CPQ: variants seen among roughly 807,000 people sequenced by gnomAD.
CPQ encodes the protein Ser-Met dipeptidase.
Under a neutral mutation model 45.7 loss-of-function variants are expected in CPQ, and 37 were observed. That is an observed-to-expected ratio of 0.81 (90% confidence interval 0.62 to 1.07). CPQ has a LOEUF of 1.07. CPQ is among the 50% of genes least tolerant of loss of function. CPQ has a pLI of 0.00. For missense variants in CPQ, 537 were observed against 572.9 expected, an observed-to-expected ratio of 0.94 and a Z score of 0.64; for synonymous variants, 186 against 205.8, an observed-to-expected ratio of 0.90 and a Z score of 0.82.
At chr8:97,109,140 A>G (rs190945151) in intron 7 of CPQ, among the ~76,000 whole-genome samples, 3 of 151,720 alleles carry the variant, frequency 2.0e-5, no homozygotes, top group Admixed American at 2.0e-4. Context: ...ACCCTTCCCC[A>G]CCCTTCACTG....
At chr8:96,906,234 A>C (rs1586446200) in intron 4 of CPQ, among the ~76,000 whole-genome samples, 1 of 152,178 alleles carries the variant, frequency 6.6e-6, no homozygotes, top group Non-Finnish European at 1.5e-5. Context: ...AAATTATATT[A>C]ACTCCTCTCA....
At chr8:96,903,751 A>G (rs1392589337) in intron 4 of CPQ, among the ~76,000 whole-genome samples, 3 of 152,208 alleles carry the variant, frequency 2.0e-5, no homozygotes, top group African/African-American at 7.2e-5. Flanking sequence ...TGAAGCCCAT[A>G]CTAAAAATGG....
chr8:96,976,247 C>CAAAAAA (rs55864086), intron 5 of CPQ, among the ~76,000 whole-genome samples: 17 of 60,840 alleles, frequency 2.8e-4, no homozygotes, highest in Admixed American at 4.9e-4. Context: ...CAATAGCTGA[C>CAAAAAA]AAAAAAAAAA....
intron 1 of CPQ, among the ~76,000 whole-genome samples, chr8:96,780,385 A>G (rs1247378052): frequency 1.3e-5 from 2 of 152,128 alleles, no homozygotes; most frequent in Non-Finnish European, 2.9e-5. Context: ...AAGAGAATGA[A>G]CATATGTAAA....
intron 2 of CPQ, among the ~76,000 whole-genome samples, chr8:96,807,433 C>T (rs1441550351): frequency 6.6e-6 from 1 of 151,982 alleles, no homozygotes; most frequent in Admixed American, 6.6e-5. Flanking sequence ...CGGGGTTTCA[C>T]CGTGTTAGCC....
chr8:96,942,503 C>T (rs1433963324), intron 4 of CPQ, among the ~76,000 whole-genome samples: 4 of 152,048 alleles, frequency 2.6e-5, no homozygotes, highest in Non-Finnish European at 5.9e-5. Context: ...GAAAAACAGA[C>T]CCTTGGGGTA....
intron 2 of CPQ, among the ~76,000 whole-genome samples, chr8:96,801,881 A>C (rs1036794752): frequency 6.6e-6 from 1 of 152,144 alleles, no homozygotes; most frequent in Non-Finnish European, 1.5e-5. Context: ...ATTCTTGATA[A>C]TTGTTATTGT....
At chr8:96,993,519 T>G (rs888120343) in intron 5 of CPQ, among the ~76,000 whole-genome samples, 4 of 152,184 alleles carry the variant, frequency 2.6e-5, no homozygotes, top group African/African-American at 9.6e-5. Flanking sequence ...GATATATGTA[T>G]GAATAGGCTT....
At chr8:96,699,954 TTG>T (rs1347392116) in intron 1 of CPQ, among the ~76,000 whole-genome samples, 1 of 152,158 alleles carries the variant, frequency 6.6e-6, no homozygotes, top group Admixed American at 6.5e-5. Context: ...TTGCCAAATG[TTG>T]TGTTTCCCTC....
intron 6 of CPQ, among the ~76,000 whole-genome samples, chr8:97,036,488 G>GA (rs1810009154): frequency 6.6e-6 from 1 of 152,180 alleles, no homozygotes; most frequent in African/African-American, 2.4e-5. Flanking sequence ...AGTGGAATTT[G>GA]ACTTTGAAAT....
chr8:96,839,559 A>G (rs1811578379), intron 3 of CPQ, among the ~76,000 whole-genome samples: 1 of 152,178 alleles, frequency 6.6e-6, no homozygotes, highest in African/African-American at 2.4e-5. Flanking sequence ...AAGCTTCTCT[A>G]TGGAACAATT....
At chr8:96,926,584 C>CTTCTTCTTCTTCTTA (rs1812886219) in intron 4 of CPQ, among the ~76,000 whole-genome samples, 2 of 138,922 alleles carry the variant, frequency 1.4e-5, no homozygotes, top group African/African-American at 5.9e-5. Flanking sequence ...TCCTCTTCTT[C>CTTCTTCTTCTTCTTA]TTCTTCTTCT....
intron 4 of CPQ, among the ~76,000 whole-genome samples, chr8:96,909,808 G>A (rs995973662): frequency 2.6e-5 from 4 of 152,158 alleles, no homozygotes; most frequent in African/African-American, 9.7e-5. Context: ...AAAAGCTGAA[G>A]ACATGTTTAA....
intron 1 of CPQ, among the ~76,000 whole-genome samples, chr8:96,696,262 A>C (rs1036695164): frequency 1.3e-5 from 2 of 148,652 alleles, no homozygotes; most frequent in Non-Finnish European, 3.0e-5. Context: ...GGACACAGGA[A>C]GGGGAACATC....
At chr8:96,802,960 T>C (rs1811025424) in intron 2 of CPQ, among the ~76,000 whole-genome samples, 1 of 151,568 alleles carries the variant, frequency 6.6e-6, no homozygotes, top group Non-Finnish European at 1.5e-5. Flanking sequence ...ATCCTTGTAT[T>C]AATCAAGGTT....
At chr8:96,958,272 G>C (rs1365076987) in intron 4 of CPQ, among the ~76,000 whole-genome samples, 1 of 152,140 alleles carries the variant, frequency 6.6e-6, no homozygotes, top group Admixed American at 6.6e-5. Flanking sequence ...TGGGAAAGAT[G>C]ATCAATATTA....
At chr8:97,035,105 A>G (rs1586505809) in intron 6 of CPQ, among the ~76,000 whole-genome samples, 1 of 151,944 alleles carries the variant, frequency 6.6e-6, no homozygotes, top group Non-Finnish European at 1.5e-5. Context: ...GTTGGTCAAG[A>G]TGGTCTCGAT....
At chr8:96,826,686 C>T (rs1183534683) in intron 2 of CPQ, among the ~76,000 whole-genome samples, 2 of 151,788 alleles carry the variant, frequency 1.3e-5, no homozygotes, top group African/African-American at 4.8e-5. Context: ...CATAGGTAAA[C>T]GTGTGCCATG....
intron 3 of CPQ, among the ~76,000 whole-genome samples, chr8:96,876,562 G>C (rs1429390163): frequency 6.6e-6 from 1 of 152,018 alleles, no homozygotes; most frequent in African/African-American, 2.4e-5. Context: ...TGTTAGCTGT[G>C]GGATATTTGT....
Sources: gnomAD v4.1 joint callset for allele counts (sites outside exome capture counted in the v4.1 genomes callset) on GRCh38, gnomAD v4.1.1 for gene constraint, MANE v1.5 for transcripts, NCBI Gene and HGNC (gene_info 2026-07-23, HGNC 2026-07-21) for gene names.